Variants in METTL8 observed in about 807,000 individuals in gnomAD.
METTL8 encodes methyltransferase 8, tRNA N3-cytidine.
A neutral mutation model predicts 48.7 loss-of-function variants in METTL8; 32 were observed. The observed-to-expected ratio is 0.66, with a 90% CI of 0.50 to 0.88. The LOEUF (loss-of-function observed/expected upper bound fraction) is 0.88, where lower values mean the gene tolerates loss of function less well. Among genes scored for constraint, METTL8 ranks in the 40% least tolerant of loss-of-function variants. The pLI is 0.00. For synonymous variants in METTL8, 136 were observed against 157.1 expected, an observed-to-expected ratio of 0.87 and a Z score of 1.01; for missense variants, 464 against 474.4, an observed-to-expected ratio of 0.98 and a Z score of 0.20.
intron 1 of METTL8, among the ~76,000 whole-genome samples, chr2:171,397,352 TAAA>T (rs71013039): frequency 4.3e-4 from 5 of 11,706 alleles, no homozygotes; most frequent in East Asian, 5.1e-3. Flanking sequence ...ACCCTGTCTC[TAAA>T]AAAAAAAAAA....
intron 2 of METTL8, among the ~76,000 whole-genome samples, chr2:171,376,889 G>C (rs1687027775): frequency 6.6e-6 from 1 of 152,040 alleles, no homozygotes; most frequent in Non-Finnish European, 1.5e-5. Flanking sequence ...TAGAGCCAAA[G>C]CAACAATAAG....
chr2:171,319,776 T>C lies in METTL8; in HGVS notation c.*4396A>G, dbSNP rs1269317437. On this transcript the variant is annotated 3_prime_UTR_variant, in exon 10 of 10. Transcript: ENST00000375258. ...CACAACCTTCGGAAACAGTTCCTCA[T>C]GTGTGAGAATTTTTACATTTGGACG... 1 of 152,226 alleles carries C rather than the reference T, an allele frequency of 6.6e-6. No homozygotes were observed. The highest frequency in any genetic ancestry group is 1.5e-5 in the Non-Finnish European group (1 of 68,038). The allele number at this position is 152,226 out of a possible 1,614,324, so 9.4% of individuals were successfully genotyped here. A position where few individuals can be genotyped will look rare whatever the true frequency, so the allele number is the denominator to read the frequency against.
chr2:171,354,690 T>C (rs1302338088), intron 3 of METTL8, among the ~76,000 whole-genome samples: 1 of 152,234 alleles, frequency 6.6e-6, no homozygotes, highest in Non-Finnish European at 1.5e-5. Context: ...ACTTCTCTTT[T>C]CGCTTCATTT....
intron 3 of METTL8, among the ~76,000 whole-genome samples, chr2:171,350,462 C>A (rs1162165755): frequency 6.6e-6 from 1 of 152,076 alleles, no homozygotes; most frequent in African/African-American, 2.4e-5. Context: ...ATTTATAATC[C>A]TTTGGGTATA....
At chr2:171,407,000 C>G (rs919661149) in intron 1 of METTL8, among the ~76,000 whole-genome samples, 2 of 151,606 alleles carry the variant, frequency 1.3e-5, no homozygotes, top group African/African-American at 4.9e-5. Flanking sequence ...GTTTGTGGGG[C>G]GAAATATTTG....
At chr2:171,425,765 T>C (rs1301857612) in intron 1 of METTL8, among the ~76,000 whole-genome samples, 2 of 152,220 alleles carry the variant, frequency 1.3e-5, no homozygotes, top group Non-Finnish European at 2.9e-5. Context: ...ACTAAAACTG[T>C]GGTAATTTGT....
chr2:171,376,866 A>T (rs952606601), intron 2 of METTL8, among the ~76,000 whole-genome samples: 7 of 152,182 alleles, frequency 4.6e-5, no homozygotes, highest in Non-Finnish European at 8.8e-5. Flanking sequence ...ATATAGAACC[A>T]AAAAAGAGCC....
chr2:171,341,871 G>A (rs1329704304), intron 3 of METTL8, among the ~76,000 whole-genome samples: 1 of 144,462 alleles, frequency 6.9e-6, no homozygotes, highest in Non-Finnish European at 1.5e-5. Flanking sequence ...ACACACACTT[G>A]TAGAAGGTAC....
Position 171,429,660 on chromosome 2 carries a change from C to T in METTL8, c.-13+4223G>A, listed in dbSNP as rs561650072. On this transcript the variant is annotated intron_variant, in intron 1 of 9. Coordinates refer to ENST00000375258, the MANE Select transcript of METTL8 (RefSeq NM_001321154.2). Reference sequence around the variant, plus strand: ...AAAGAGACAAGATGAGGAGTTTATACCTAATTTTATCTTTGCATATATGTG... The same window carrying T: ...AAAGAGACAAGATGAGGAGTTTATATCTAATTTTATCTTTGCATATATGTG... 3.9e-5 allele frequency among the ~76,000 whole-genome samples: 6 copies of T among 152,194 alleles called. No homozygotes were observed. The South Asian group carries it at 1.2e-3, about 32-fold the overall frequency.
At chr2:171,410,709 A>G (rs1287666838) in intron 1 of METTL8, among the ~76,000 whole-genome samples, 4 of 152,232 alleles carry the variant, frequency 2.6e-5, no homozygotes, top group Non-Finnish European at 5.9e-5. Context: ...CTTTAGAAGA[A>G]TACCTTTTGC....
At chr2:171,416,047 C>T (rs1691283906) in intron 1 of METTL8, among the ~76,000 whole-genome samples, 2 of 152,214 alleles carry the variant, frequency 1.3e-5, no homozygotes, top group Admixed American at 6.5e-5. Context: ...TAGAAACCTC[C>T]TATTCATCAA....
chr2:171,401,687 G>T (rs577632465), intron 1 of METTL8, among the ~76,000 whole-genome samples: 2 of 152,080 alleles, frequency 1.3e-5, no homozygotes, highest in African/African-American at 4.8e-5. Context: ...TTCTCTGGAC[G>T]TTGTCTCCAA....
At chr2:171,334,449 G>C (rs1685877335) in intron 5 of METTL8, among the ~76,000 whole-genome samples, 2 of 152,086 alleles carry the variant, frequency 1.3e-5, no homozygotes, top group South Asian at 4.1e-4. Flanking sequence ...ACACCACCAA[G>C]CACTCTCTTG....
At chr2:171,434,468 C>T, upstream of METTL8, 1 of 1,511,252 alleles carries the variant, frequency 6.6e-7, no homozygotes. Flanking sequence ...CTGGGCCCCG[C>T]CGGGAAAGTC....
At chr2:171,359,174 A>C (rs1160415679) in intron 3 of METTL8, among the ~76,000 whole-genome samples, 1 of 52,292 alleles carries the variant, frequency 1.9e-5, no homozygotes, top group African/African-American at 5.9e-5. Flanking sequence ...ACCCTGTCTC[A>C]AAAAAAAAAA....
chr2:171,397,365 A>AC (rs1689180849), intron 1 of METTL8, among the ~76,000 whole-genome samples: 1 of 146,518 alleles, frequency 6.8e-6, no homozygotes, highest in Non-Finnish European at 1.5e-5. Flanking sequence ...AAAAAAAAAA[A>AC]AAAAAAAAAA....
chr2:171,395,662 T>C (rs1688993617), intron 1 of METTL8, among the ~76,000 whole-genome samples: 1 of 152,178 alleles, frequency 6.6e-6, no homozygotes, highest in Non-Finnish European at 1.5e-5. Context: ...ACTATGCATG[T>C]ACCTAATAAC....
rs528166734 is a variant in METTL8, at chr2:171,331,519, C to T, written c.720+285G>A. Among the ~76,000 whole-genome samples, 18 of 151,960 alleles carry T rather than the reference C, an allele frequency of 1.2e-4. No homozygotes were observed. In the South Asian group the frequency reaches 3.1e-3, roughly 26 times the overall value. The stretch of plus-strand genomic sequence containing the variant: ...GCAACCTCCACCTCCCAGGTACAAG[C>T]GATTCTCGTGCCTCAGCCTCCCAAA... On this transcript the variant is annotated intron_variant, in intron 6 of 9. Transcript: ENST00000375258.
intron 1 of METTL8, among the ~76,000 whole-genome samples, chr2:171,421,386 C>T (rs973555799): frequency 6.6e-6 from 1 of 151,988 alleles, no homozygotes; most frequent in African/African-American, 2.4e-5. Flanking sequence ...CTTTAATGCA[C>T]GATGATCACA....
Sources: gnomAD v4.1 joint callset for allele counts (sites outside exome capture counted in the v4.1 genomes callset) on GRCh38, gnomAD v4.1.1 for gene constraint, MANE v1.5 for transcripts, NCBI Gene and HGNC (gene_info 2026-07-23, HGNC 2026-07-21) for gene names.